Variants in GARIN1B observed in about 807,000 individuals in gnomAD.
GARIN1B encodes the protein golgi associated RAB2 interactor 1B.
the GARIN1B span, among the ~76,000 whole-genome samples, chr7:128,725,733 A>G: frequency 0.18 from 27,782 of 152,036 alleles, 2,782 homozygotes; most frequent in East Asian, 0.26. Context: ...CATTGGCCAC[A>G]CTCAGTCACG....
the GARIN1B span, among the ~76,000 whole-genome samples, chr7:128,717,705 C>A: frequency 6.6e-6 from 1 of 151,128 alleles, no homozygotes; most frequent in South Asian, 2.1e-4. Flanking sequence ...CCTCAGCCTC[C>A]CAAAGTGCTG....
chr7:128,729,771 G>C, the GARIN1B span: 1 of 926,136 alleles, frequency 1.1e-6, no homozygotes, highest in Non-Finnish European at 1.7e-6. Flanking sequence ...GAGGATTAAA[G>C]GACCATGAAT....
At chr7:128,709,170 CTG>C in the GARIN1B span, 1 of 152,198 alleles carries the variant, frequency 6.6e-6, no homozygotes, top group Non-Finnish European at 1.5e-5. Context: ...GCAGAGATAA[CTG>C]TATCCACTCT....
At chr7:128,714,218 A>G in the GARIN1B span, 469 of 1,301,872 alleles carry the variant, frequency 3.6e-4, 2 homozygotes, top group Middle Eastern at 2.2e-3. Context: ...TTTGTGTGTA[A>G]TGATTGTCAA....
the GARIN1B span, chr7:128,714,042 G>T: frequency 6.5e-7 from 1 of 1,535,312 alleles, no homozygotes; most frequent in Non-Finnish European, 8.7e-7. Flanking sequence ...AGTGAGGTTG[G>T]AAGTTGGTTT....
the GARIN1B span, chr7:128,715,452 C>A: frequency 6.2e-7 from 1 of 1,613,992 alleles, no homozygotes. Flanking sequence ...ATGTTGTCAT[C>A]ATTTCCACAT....
the GARIN1B span, chr7:128,723,048 G>A: frequency 3.5e-6 from 3 of 862,756 alleles, no homozygotes; most frequent in Admixed American, 5.1e-5. Context: ...CAAAAAATAT[G>A]GCCTCAGAAT....
At chr7:128,715,824 G>A in the GARIN1B span, 1 of 795,552 alleles carries the variant, frequency 1.3e-6, no homozygotes, top group Non-Finnish European at 2.0e-6. Context: ...GACCTGGAAT[G>A]CAAGGCCACC....
At chr7:128,712,699 C>A in the GARIN1B span, among the ~76,000 whole-genome samples, 1 of 152,204 alleles carries the variant, frequency 6.6e-6, no homozygotes, top group African/African-American at 2.4e-5. Flanking sequence ...ACTAAAAGTG[C>A]AAACAGTAGT....
At chr7:128,711,939 GC>G in the GARIN1B span, among the ~76,000 whole-genome samples, 1 of 152,220 alleles carries the variant, frequency 6.6e-6, no homozygotes, top group Non-Finnish European at 1.5e-5. Flanking sequence ...TACTCGGGAG[GC>G]TGAGGCAGGA....
chr7:128,726,944 C>T, the GARIN1B span: 1 of 1,379,762 alleles, frequency 7.2e-7, no homozygotes. Context: ...TCCCCTCCAG[C>T]CCCCATCCTG....
At chr7:128,731,331 C>T in the GARIN1B span, 1 of 610,954 alleles carries the variant, frequency 1.6e-6, no homozygotes, top group South Asian at 1.9e-5. Context: ...ACTGCCAGAG[C>T]TGGCCTAGCA....
the GARIN1B span, among the ~76,000 whole-genome samples, chr7:128,727,198 G>A: frequency 2.6e-5 from 4 of 152,194 alleles, no homozygotes; most frequent in South Asian, 2.1e-4. Flanking sequence ...TCAAAACCAC[G>A]CACTGAGTGC....
chr7:128,718,742 C>G, the GARIN1B span: 4 of 1,516,152 alleles, frequency 2.6e-6, no homozygotes, highest in Non-Finnish European at 3.6e-6. Flanking sequence ...AAGCCTTAGT[C>G]CTAAAGGAGA....
chr7:128,726,935 C>T, the GARIN1B span: 5 of 1,406,268 alleles, frequency 3.6e-6, no homozygotes, highest in African/African-American at 2.8e-5. Context: ...AGAATAAGAT[C>T]CCCTCCAGCC....
chr7:128,711,497 A>G, the GARIN1B span, among the ~76,000 whole-genome samples: 18 of 152,344 alleles, frequency 1.2e-4, no homozygotes, highest in African/African-American at 3.6e-4. Flanking sequence ...AGCCAGCTGT[A>G]GTAATAATTT....
the GARIN1B span, among the ~76,000 whole-genome samples, chr7:128,717,762 T>G: frequency 6.6e-6 from 1 of 151,438 alleles, no homozygotes; most frequent in Non-Finnish European, 1.5e-5. Context: ...TTTTTTGTTT[T>G]TTTTTTTTAA....
At chr7:128,713,923 G>T in the GARIN1B span, 1 of 1,427,452 alleles carries the variant, frequency 7.0e-7, no homozygotes, top group South Asian at 1.2e-5. Context: ...CCCTTTCTAG[G>T]TTATTTCCAG....
chr7:128,731,522 T>C, the GARIN1B span: 2 of 260,716 alleles, frequency 7.7e-6, no homozygotes, highest in Non-Finnish European at 7.4e-6. Flanking sequence ...GTAGACGAGA[T>C]AAGGAGGACA....
Sources: gnomAD v4.1 joint callset for allele counts (sites outside exome capture counted in the v4.1 genomes callset) on GRCh38, gnomAD v4.1.1 for gene constraint, MANE v1.5 for transcripts, NCBI Gene and HGNC (gene_info 2026-07-23, HGNC 2026-07-21) for gene names.